Variants in CELF2 observed in about 807,000 individuals in gnomAD.
CELF2 encodes CUG triplet repeat RNA-binding protein 2.
A neutral mutation model predicts 62.6 loss-of-function variants in CELF2; 8 were observed. The observed-to-expected ratio is 0.13, with a 90% CI of 0.07 to 0.23. The LOEUF is 0.23. CELF2 is among the 10% of genes least tolerant of loss of function. The pLI is 1.00. For missense variants in CELF2, 333 were observed against 671.0 expected, an observed-to-expected ratio of 0.50 and a Z score of 5.56; for synonymous variants, 258 against 250.0, an observed-to-expected ratio of 1.03 and a Z score of -0.30.
chr10:10,488,577 C>T, the CELF2 span, among the ~76,000 whole-genome samples: 5 of 152,190 alleles, frequency 3.3e-5, no homozygotes, highest in African/African-American at 1.2e-4. Flanking sequence ...CTAATATCTT[C>T]CTCATTTTAT....
rs569651202 is a variant in CELF2, at chr10:10,934,490, G to A, written c.89+14491G>A. 5.3e-5 allele frequency: 8 copies of A among 152,170 alleles called. No homozygotes were observed. Among genetic ancestry groups the A allele is most frequent in the Non-Finnish European group, 1.2e-4 (8 of 68,028 alleles). 9.4% of individuals were successfully genotyped at this position (152,170 alleles called of 1,614,324 possible). A position where few individuals can be genotyped will look rare whatever the true frequency, so the allele number is the denominator to read the frequency against. On this transcript the variant is annotated intron_variant, in intron 2 of 13. Transcript: ENST00000636488. This position sits in a 1 kb window ranked among gnomAD's most constrained non-coding sequence, Gnocchi z 4.4. ...TGCATGAACAAGACTGCTCATTGTAGAAACAAAAACGAAATAGTTGATTAC... is the reference window on the plus strand; with the variant it reads ...TGCATGAACAAGACTGCTCATTGTAAAAACAAAAACGAAATAGTTGATTAC...
Position 11,098,991 on chromosome 10 carries a change from C to T in CELF2, c.75-66495C>T, listed in dbSNP as rs1192676457. Among the ~76,000 whole-genome samples, 11 of 152,176 alleles carry T rather than the reference C, an allele frequency of 7.2e-5. No individual in the cohort carries two copies. Among genetic ancestry groups the T allele is most frequent in the South Asian group, 2.1e-4 (1 of 4,836 alleles). On this transcript the variant is annotated intron_variant, in intron 1 of 12. Coordinates refer to ENST00000633077, the MANE Select transcript of CELF2 (RefSeq NM_001326342.2). The surrounding 1 kb of genome is among the most constrained non-coding windows in gnomAD (Gnocchi z 4.0). The stretch of plus-strand genomic sequence containing the variant: ...TGCAGATAAGCTTTGCCATAAGAAA[C>T]GCACAGATGACTTCAGATAAAAGTT...
chr10:10,464,790 C>T, the CELF2 span, among the ~76,000 whole-genome samples: 2 of 152,180 alleles, frequency 1.3e-5, no homozygotes, highest in South Asian at 4.2e-4. Context: ...TGATGCTTTC[C>T]CCCATTAACA....
At chr10:10,736,496 A>G in the CELF2 span, among the ~76,000 whole-genome samples, 1 of 151,540 alleles carries the variant, frequency 6.6e-6, no homozygotes, top group African/African-American at 2.4e-5. Context: ...TTTACGATCA[A>G]CATCTCCTAA....
chr10:10,850,689 C>A (rs893743002), intron 1 of CELF2, among the ~76,000 whole-genome samples: 3 of 152,136 alleles, frequency 2.0e-5, no homozygotes, highest in African/African-American at 7.2e-5. Flanking sequence ...GTTAGGCATT[C>A]TTTTAAATAT....
At chr10:10,531,842 C>A in the CELF2 span, among the ~76,000 whole-genome samples, 1 of 152,216 alleles carries the variant, frequency 6.6e-6, no homozygotes, top group Non-Finnish European at 1.5e-5. Context: ...TGATGATAGT[C>A]AGCACTCTGT....
At chr10:11,049,447 TGGG>T (rs1194417532) in intron 1 of CELF2, among the ~76,000 whole-genome samples, 2 of 144,820 alleles carry the variant, frequency 1.4e-5, no homozygotes, top group East Asian at 4.0e-4. Context: ...CGAAAATAGA[TGGG>T]GGAGAGGTCA....
intron 1 of CELF2, among the ~76,000 whole-genome samples, chr10:11,129,137 A>G (rs535657952): frequency 1.8e-4 from 28 of 152,236 alleles, no homozygotes; most frequent in African/African-American, 6.3e-4. Context: ...TGAGATAATC[A>G]TGTGGTTTTT....
the CELF2 span, among the ~76,000 whole-genome samples, chr10:10,602,755 A>C: frequency 6.6e-6 from 1 of 152,126 alleles, no homozygotes; most frequent in African/African-American, 2.4e-5. Flanking sequence ...ATTTCTAAAA[A>C]GTGAGCAGGT....
chr10:11,327,447 G>C (rs2095810554), intron 12 of CELF2, among the ~76,000 whole-genome samples: 1 of 152,150 alleles, frequency 6.6e-6, no homozygotes, highest in African/African-American at 2.4e-5. Flanking sequence ...GACAATTCTT[G>C]AGCATGATGG....
At chr10:10,662,823 C>G in the CELF2 span, among the ~76,000 whole-genome samples, 1 of 152,176 alleles carries the variant, frequency 6.6e-6, no homozygotes, top group Admixed American at 6.5e-5. Context: ...AGCACATTAA[C>G]CACTTGCCGA....
chr10:10,878,596 T>C (rs2061257196), intron 1 of CELF2, among the ~76,000 whole-genome samples: 1 of 152,116 alleles, frequency 6.6e-6, no homozygotes, highest in Admixed American at 6.5e-5. Flanking sequence ...GTCGTACAAA[T>C]ACCCTCCACT....
rs75973809 is a variant in CELF2, at chr10:11,232,567, A to G, written c.354+15060A>G. On this transcript the variant is annotated intron_variant, in intron 3 of 12. Coordinates refer to ENST00000633077, the MANE Select transcript of CELF2 (RefSeq NM_001326342.2). ...TGGTAAAATCTATGGCTCGGAAAGA[A>G]GGGAAAGAGCAGTGCTGAAGATGTT... 7.5e-4 allele frequency among the ~76,000 whole-genome samples: 115 copies of G among 152,350 alleles called. 1 individual carries two copies. In the East Asian group the frequency reaches 0.018, roughly 23 times the overall value.
At chr10:10,880,144 A>G (rs985842297) in intron 1 of CELF2, among the ~76,000 whole-genome samples, 8 of 152,160 alleles carry the variant, frequency 5.3e-5, no homozygotes, top group Non-Finnish European at 8.8e-5. Flanking sequence ...CATCGCCATG[A>G]TTTGAGAAAC....
At chr10:11,239,498 A>G (rs74699524) in intron 3 of CELF2, among the ~76,000 whole-genome samples, 3,038 of 152,276 alleles carry the variant, frequency 0.02, 121 homozygotes, top group African/African-American at 0.069. Flanking sequence ...AAGCTCCTAT[A>G]CTTTGCAAAA....
the CELF2 span, among the ~76,000 whole-genome samples, chr10:10,674,931 A>G: frequency 6.6e-6 from 1 of 152,226 alleles, no homozygotes; most frequent in Non-Finnish European, 1.5e-5. Flanking sequence ...ATATGTATAT[A>G]GAAGCATACA....
the CELF2 span, among the ~76,000 whole-genome samples, chr10:10,507,736 G>A: frequency 1.2e-5 from 1 of 82,834 alleles, no homozygotes; most frequent in Non-Finnish European, 3.2e-5. Context: ...GAATGTTTTT[G>A]AATTCAATTT....
intron 1 of CELF2, among the ~76,000 whole-genome samples, chr10:10,862,584 A>T (rs1188221601): frequency 1.3e-5 from 2 of 152,232 alleles, no homozygotes; most frequent in Non-Finnish European, 2.9e-5. Flanking sequence ...GTTATTCAAC[A>T]TCACTTTCAT....
rs142477529 is a variant in CELF2, at chr10:11,277,734, A to C, written c.841+2614A>C. Among the ~76,000 whole-genome samples the C allele has an allele frequency of 8.8e-4, 134 of 152,382 alleles. 1 individual carries two copies. The highest frequency in any genetic ancestry group is 3.1e-3 in the African/African-American group (128 of 41,598). On this transcript the variant is annotated intron_variant, in intron 8 of 12. Transcript: ENST00000633077. ...GGAGATAGTTTGTATAACATAAAAC[A>C]TAACAAATACAGTAGAAAGCATATG...
Sources: gnomAD v4.1 joint callset for allele counts (sites outside exome capture counted in the v4.1 genomes callset) on GRCh38, gnomAD v4.1.1 for gene constraint, Gnocchi (gnomAD v3.1) non-coding constraint, MANE v1.5 for transcripts, NCBI Gene and HGNC (gene_info 2026-07-23, HGNC 2026-07-21) for gene names.